Variants in FREM2 observed in about 807,000 individuals in gnomAD.
FREM2 encodes the protein FRAS1-related extracellular matrix protein 2.
A neutral mutation model predicts 219.9 loss-of-function variants in FREM2; 119 were observed. The ratio of observed to expected loss-of-function variants is 0.54; its 90% CI spans 0.47 to 0.63. The LOEUF (loss-of-function observed/expected upper bound fraction) is 0.63. FREM2 is among the 30% of genes least tolerant of loss of function. The pLI is 0.00. For synonymous variants in FREM2, 1,562 were observed against 1,522.8 expected, an observed-to-expected ratio of 1.03 and a Z score of -0.60; for missense variants, 4,030 against 3,993.6, an observed-to-expected ratio of 1.01 and a Z score of -0.25.
intron 6 of FREM2, among the ~76,000 whole-genome samples, chr13:38,807,229 G>A (rs9576618): frequency 0.23 from 9,685 of 42,120 alleles, 771 homozygotes; most frequent in East Asian, 0.39. Flanking sequence ...ATATATATAT[G>A]TATGGTTTTG....
In FREM2 at chr13:38,689,830, C is replaced by T. The variant is rs1281949165; in HGVS notation, c.2486C>T (p.Pro829Leu). ...TACTTGCATCCCGTGGACAACCAGC[C>T]ACCTGAGATCCTCAACACCGGCTTC... ...TLYLHPVDNQPPEILNTGFTI... is the reference protein window; with the variant it reads ...TLYLHPVDNQLPEILNTGFTI... The change falls in exon 1 of 24, where the codon CCA becomes CTA. Residue 829 changes from proline to leucine, a missense_variant. Pro to Leu is a moderately conservative substitution (Grantham distance 98). Around this residue, in one of 2 missense-constraint regions of FREM2, gnomAD observed 3,102 missense variants for 2,950.7 expected, o/e 1.05. Coordinates refer to ENST00000280481, the MANE Select transcript of FREM2 (RefSeq NM_207361.6). 6.2e-7 allele frequency: 1 copy of T among 1,614,052 alleles called. No homozygotes were observed. Among genetic ancestry groups the T allele is most frequent in the East Asian group, 2.2e-5 (1 of 44,884 alleles).
chr13:38,712,267 G>A (rs1287848381), intron 2 of FREM2, among the ~76,000 whole-genome samples: 1 of 152,110 alleles, frequency 6.6e-6, no homozygotes, highest in Non-Finnish European at 1.5e-5. Flanking sequence ...GTGGCTAAGG[G>A]CTCTTCTGCA....
At position 38,784,540 on chromosome 13, in the gene FREM2, A is replaced by G. The variant is rs2137831378; in HGVS notation, c.5768-17A>G. 1 of 1,613,868 alleles carries G rather than the reference A, an allele frequency of 6.2e-7. No homozygotes were observed. ...TATGTTCTACATAAAAATCTTTTGA[A>G]TTCTCTCTGCTTCCAGGAACAGCAA... On this transcript the variant is annotated splice_polypyrimidine_tract_variant and intron_variant, in intron 5 of 23. Transcript: ENST00000280481.
intron 3 of FREM2, among the ~76,000 whole-genome samples, chr13:38,766,975 A>G (rs1025745118): frequency 2.6e-5 from 4 of 152,192 alleles, no homozygotes; most frequent in Admixed American, 1.3e-4. Context: ...TGCTGGGCCT[A>G]CTTCCCAATA....
chr13:38,798,631 A>T (rs1874885666), intron 6 of FREM2, among the ~76,000 whole-genome samples: 1 of 151,988 alleles, frequency 6.6e-6, no homozygotes, highest in African/African-American at 2.4e-5. Flanking sequence ...TTCATTACTG[A>T]TTCAATCTTG....
At chr13:38,832,030 G>A (rs566188312) in intron 6 of FREM2, among the ~76,000 whole-genome samples, 2 of 152,198 alleles carry the variant, frequency 1.3e-5, no homozygotes, top group South Asian at 4.1e-4. Context: ...AGAAAAGTGA[G>A]TAGGCCAGGG....
At chr13:38,754,532 A>ATGTAAAG (rs1356403577) in intron 2 of FREM2, among the ~76,000 whole-genome samples, 10 of 152,150 alleles carry the variant, frequency 6.6e-5, no homozygotes, top group Non-Finnish European at 1.2e-4. Flanking sequence ...ACCCCTTGGA[A>ATGTAAAG]TGTAAAGTGG....
rs1275260982 is a variant in FREM2 at position 38,882,985 on chromosome 13, C to A, written c.*2198C>A. Reference sequence around the variant, plus strand: ...GGCTTTGGGTCAAGCTGGTTTTATACCAAATTTCACTCTACAATGCATATT... The same window carrying A: ...GGCTTTGGGTCAAGCTGGTTTTATAACAAATTTCACTCTACAATGCATATT... On this transcript the variant is annotated 3_prime_UTR_variant, in exon 24 of 24. Coordinates refer to ENST00000280481, the MANE Select transcript of FREM2 (RefSeq NM_207361.6). The A allele has an allele frequency of 1.3e-5, 2 of 152,076 alleles. No individual in the cohort carries two copies. The highest frequency in any genetic ancestry group is 3.9e-4 in the East Asian group (2 of 5,188). 9.4% of individuals were successfully genotyped at this position (152,076 alleles called of 1,614,324 possible). A position where few individuals can be genotyped will look rare whatever the true frequency, so the allele number is the denominator to read the frequency against.
intron 6 of FREM2, among the ~76,000 whole-genome samples, chr13:38,819,959 G>C (rs535818141): frequency 1.7e-4 from 26 of 152,168 alleles, no homozygotes; most frequent in African/African-American, 6.3e-4. Context: ...GTTATTATTA[G>C]TTATCCTAAT....
At position 38,691,516 on chromosome 13, in the gene FREM2, G is replaced by A. The variant is rs1367167650; in HGVS notation, c.4172G>A (p.Arg1391Gln). 3.0e-5 allele frequency: 49 copies of A among 1,613,970 alleles called. No individual in the cohort carries two copies. Among genetic ancestry groups the A allele is most frequent in the Middle Eastern group, 3.3e-4 (2 of 6,084 alleles). Residue 1391 changes from arginine (R) to glutamine (Q), a missense_variant, in exon 1 of 24, where the codon CGG becomes CAG. Physicochemically the swap from Arg to Gln is conservative, Grantham distance 43. Transcript: ENST00000280481. ...QYVHLGQEGIRDLIKFDVTDG... is the reference protein window; with the variant it reads ...QYVHLGQEGIQDLIKFDVTDG... The stretch of plus-strand genomic sequence containing the variant: ...GTCCATTTGGGGCAAGAGGGCATTC[G>A]GGACCTAATTAAATTTGATGTGACT...
chr13:38,689,264 G>A lies in FREM2; in HGVS notation c.1920G>A (p.Val640=). 2.5e-6 allele frequency: 4 copies of A among 1,614,106 alleles called. No homozygotes were observed. The highest frequency in any genetic ancestry group is 2.5e-6 in the Non-Finnish European group (3 of 1,180,008). The change falls in exon 1 of 24, where the codon GTG becomes GTA. Residue 640 remains valine (V), a synonymous_variant. Transcript: ENST00000280481. Reference sequence around the variant, plus strand: ...AGGGGGCATTTTATGAGCGAACAGTGACAGAGTGGCAGCAGCAGGACATAA... The same window carrying A: ...AGGGGGCATTTTATGAGCGAACAGTAACAGAGTGGCAGCAGCAGGACATAA... The part of the protein sequence containing the change: ...RKEGAFYERT[V]TEWQQQDITE...
intron 6 of FREM2, among the ~76,000 whole-genome samples, chr13:38,845,166 T>C (rs977080846): frequency 2.0e-5 from 3 of 152,210 alleles, no homozygotes; most frequent in African/African-American, 7.2e-5. Flanking sequence ...ATGCCCACCA[T>C]GTGAAGAAAC....
chr13:38,698,973 C>A (rs932169500), intron 2 of FREM2, among the ~76,000 whole-genome samples: 2 of 151,964 alleles, frequency 1.3e-5, no homozygotes, highest in African/African-American at 4.8e-5. Context: ...TAGTATTCTA[C>A]GTATTGATGA....
chr13:38,718,661 C>CA (rs146843328), intron 2 of FREM2, among the ~76,000 whole-genome samples: 18,979 of 151,620 alleles, frequency 0.13, 1,198 homozygotes, highest in South Asian at 0.2. Flanking sequence ...TCTTTCACTA[C>CA]AAAAAATTAC....
In FREM2 at chr13:38,687,684, G is replaced by T. The variant is rs760344234; in HGVS notation, c.340G>T (p.Ala114Ser). 3.2e-6 allele frequency: 5 copies of T among 1,583,542 alleles called. No individual in the cohort carries two copies. The highest frequency in any genetic ancestry group is 2.7e-5 in the African/African-American group (2 of 73,986). ...RCAVSVLDND[A>S]LAQRPGRLSP... The stretch of plus-strand genomic sequence containing the variant: ...CGCGGTTTCGGTACTAGACAACGAC[G>T]CACTGGCCCAGCGACCGGGCCGCCT... The change falls in exon 1 of 24, where the codon GCA becomes TCA. Residue 114 changes from alanine to serine, a missense_variant. Physicochemically the swap from Ala to Ser is moderately conservative, Grantham distance 99. This residue lies in a region of FREM2 where 3,102 missense variants were observed against 2,950.7 expected (regional missense o/e 1.05). Transcript: ENST00000280481.
At chr13:38,794,884 A>G (rs2137842734) in intron 6 of FREM2, among the ~76,000 whole-genome samples, 1 of 152,290 alleles carries the variant, frequency 6.6e-6, no homozygotes, top group Non-Finnish European at 1.5e-5. Flanking sequence ...TATACTAAGG[A>G]CTTTACATGA....
intron 6 of FREM2, among the ~76,000 whole-genome samples, chr13:38,791,479 A>G (rs1054302407): frequency 1.3e-5 from 2 of 152,186 alleles, no homozygotes; most frequent in African/African-American, 4.8e-5. Flanking sequence ...CTGAAAATGG[A>G]TAATTTATAA....
intron 6 of FREM2, among the ~76,000 whole-genome samples, chr13:38,819,156 T>C (rs891877090): frequency 2.0e-5 from 3 of 152,112 alleles, no homozygotes; most frequent in Non-Finnish European, 4.4e-5. Context: ...TGACTCAACC[T>C]GTTATGGCCA....
intron 6 of FREM2, among the ~76,000 whole-genome samples, chr13:38,801,446 G>A (rs777143381): frequency 5.3e-5 from 8 of 152,130 alleles, no homozygotes; most frequent in Non-Finnish European, 1.2e-4. Context: ...CTGTGCATCT[G>A]GTGTAACTAT....
Sources: gnomAD v4.1 joint callset for allele counts (sites outside exome capture counted in the v4.1 genomes callset) on GRCh38, gnomAD v4.1.1 for gene constraint, gnomAD v4.1.1 regional missense constraint, MANE v1.5 for transcripts, NCBI Gene and HGNC (gene_info 2026-07-23, HGNC 2026-07-21) for gene names.